The following AAGAB variants were observed in gnomAD, a reference collection of about 807,000 sequenced individuals.
AAGAB encodes the protein alpha- and gamma-adaptin-binding protein p34.
In AAGAB, 38 loss-of-function variants were observed where a neutral mutation model predicts 44.1. The observed-to-expected ratio is 0.86, with a 90% CI of 0.67 to 1.13. The LOEUF (loss-of-function observed/expected upper bound fraction) is 1.13, where lower values mean the gene tolerates loss of function less well. Among genes scored for constraint, AAGAB ranks in the 50% most tolerant of loss-of-function variants. AAGAB has a pLI of 0.00. For missense variants in AAGAB, 450 were observed against 373.8 expected (o/e 1.20, Z -1.68); for synonymous variants, 131 against 131.8 (o/e 0.99, Z 0.04).
chr15:67,243,499 C>T (rs984255770), intron 1 of AAGAB, among the ~76,000 whole-genome samples: 2 of 152,108 alleles, frequency 1.3e-5, no homozygotes. Flanking sequence ...AGGTCAACAC[C>T]TTTAGACATT....
chr15:67,224,782 T>C (rs1964165438), intron 5 of AAGAB, among the ~76,000 whole-genome samples: 1 of 152,092 alleles, frequency 6.6e-6, no homozygotes, highest in Non-Finnish European at 1.5e-5. Flanking sequence ...GGTTTCACCA[T>C]GTTGGCCAGA....
chr15:67,254,718 G>A, upstream of AAGAB: 2 of 1,422,190 alleles, frequency 1.4e-6, no homozygotes, highest in African/African-American at 1.4e-5. Context: ...AGACAGGCCG[G>A]AGAGGGCGTT....
chr15:67,215,142 T>C (rs1963913794), intron 5 of AAGAB, among the ~76,000 whole-genome samples: 1 of 152,198 alleles, frequency 6.6e-6, no homozygotes, highest in African/African-American at 2.4e-5. Flanking sequence ...ACTATTCAAG[T>C]GGCCCTTCAG....
Position 67,208,795 on chromosome 15 carries a change from A to G in AAGAB, c.619-137T>C, listed in dbSNP as rs1963743136. 19 of 641,958 alleles carry G rather than the reference A, an allele frequency of 3.0e-5. No individual in the cohort carries two copies. The South Asian group carries it at 3.5e-4, about 12-fold the overall frequency. The allele number at this position is 641,958 out of a possible 1,614,324, so 39.8% of individuals were successfully genotyped here. A position where few individuals can be genotyped will look rare whatever the true frequency, so the allele number is the denominator to read the frequency against. The stretch of plus-strand genomic sequence containing the variant: ...AACTGGAGGCAAAGAAAGAAGAGCA[A>G]GATCACATTAAAAAAATAAAAGGCT... On this transcript the variant is annotated intron_variant, in intron 6 of 9. Coordinates refer to ENST00000261880, the MANE Select transcript of AAGAB (RefSeq NM_024666.5).
At chr15:67,252,048 C>T (rs552359663) in intron 1 of AAGAB, among the ~76,000 whole-genome samples, 3 of 152,178 alleles carry the variant, frequency 2.0e-5, no homozygotes, top group Non-Finnish European at 4.4e-5. Context: ...GATCTTAACC[C>T]GAACTGGAAT....
At chr15:67,246,076 G>C (rs1470166494) in intron 1 of AAGAB, among the ~76,000 whole-genome samples, 1 of 152,082 alleles carries the variant, frequency 6.6e-6, no homozygotes, top group African/African-American at 2.4e-5. Context: ...ATATCATAAA[G>C]CCTCTTTAAT....
intron 4 of AAGAB, among the ~76,000 whole-genome samples, chr15:67,234,086 C>CA (rs34634730): frequency 0.018 from 2,085 of 116,220 alleles, 44 homozygotes; most frequent in African/African-American, 0.05. Flanking sequence ...ACTAAAAATA[C>CA]AAAAAAAAAA....
chr15:67,222,282 A>ACACCCC (rs796412643), intron 5 of AAGAB, among the ~76,000 whole-genome samples: 1 of 139,850 alleles, frequency 7.2e-6, no homozygotes, highest in Non-Finnish European at 1.6e-5. Context: ...ACACACACAC[A>ACACCCC]CCCTCCACCC....
At chr15:67,234,557 TA>T (rs1240701271) in intron 4 of AAGAB, among the ~76,000 whole-genome samples, 1 of 152,218 alleles carries the variant, frequency 6.6e-6, no homozygotes, top group African/African-American at 2.4e-5. Context: ...ATTTGTATTT[TA>T]AAAGTCTAGG....
Position 67,231,914 on chromosome 15 carries a change from AAT to A in AAGAB, c.452-19_452-18del. Reference sequence around the variant, plus strand: ...GGAAGTCATCTAATCAGGGAGGGGAAATATATATATTTATATGCAACACTCAC... The same window carrying A: ...GGAAGTCATCTAATCAGGGAGGGGAAATATATATTTATATGCAACACTCAC... On this transcript the variant is annotated intron_variant, in intron 4 of 9. Coordinates refer to ENST00000261880, the MANE Select transcript of AAGAB (RefSeq NM_024666.5). 1 of 1,573,556 alleles carries A rather than the reference AAT, an allele frequency of 6.4e-7. No individual in the cohort carries two copies.
At chr15:67,204,195 T>A (rs774644135) in intron 7 of AAGAB, 47 bp from the exon 8 acceptor site, 22 of 1,322,510 alleles carry the variant, frequency 1.7e-5, no homozygotes, top group African/African-American at 2.9e-5. Flanking sequence ...TTTGCATATG[T>A]GCTACACTCA....
intron 1 of AAGAB, among the ~76,000 whole-genome samples, chr15:67,244,775 G>A (rs1201919506): frequency 3.3e-5 from 5 of 151,930 alleles, no homozygotes; most frequent in African/African-American, 1.2e-4. Context: ...CTGCACTCCA[G>A]CCTGGGCAAG....
intron 5 of AAGAB, among the ~76,000 whole-genome samples, chr15:67,222,510 A>C (rs1254341122): frequency 6.6e-6 from 1 of 152,074 alleles, no homozygotes; most frequent in East Asian, 1.9e-4. Flanking sequence ...GAGAAAATTT[A>C]TGCAATCAGA....
chr15:67,249,544 A>C (rs944426438), intron 1 of AAGAB, among the ~76,000 whole-genome samples: 1 of 152,234 alleles, frequency 6.6e-6, no homozygotes, highest in African/African-American at 2.4e-5. Flanking sequence ...TAATACACAT[A>C]TTAAATAATG....
At chr15:67,224,284 C>G (rs756740870) in intron 5 of AAGAB, among the ~76,000 whole-genome samples, 3 of 152,200 alleles carry the variant, frequency 2.0e-5, no homozygotes, top group Non-Finnish European at 4.4e-5. Flanking sequence ...AAATTATGGA[C>G]TAGAGAGATC....
upstream of AAGAB, chr15:67,255,022 A>C (rs999039916): frequency 7.2e-7 from 1 of 1,396,264 alleles, no homozygotes; most frequent in Non-Finnish European, 1.0e-6. Context: ...GCGCCGATTC[A>C]CCGACGCTCA....
intron 1 of AAGAB, among the ~76,000 whole-genome samples, chr15:67,238,597 T>C (rs1964523278): frequency 6.6e-6 from 1 of 151,720 alleles, no homozygotes; most frequent in Admixed American, 6.6e-5. Context: ...TGCTGATAAA[T>C]ACACATATAA....
In AAGAB at chr15:67,254,634, C is replaced by G. The variant is rs1965033015; in HGVS notation, c.-3G>C. 3.1e-6 allele frequency: 5 copies of G among 1,592,250 alleles called. No individual in the cohort carries two copies. The highest frequency in any genetic ancestry group is 4.3e-6 in the Non-Finnish European group (5 of 1,172,686). On this transcript the variant is annotated 5_prime_UTR_variant, in exon 1 of 10. Coordinates refer to ENST00000261880, the MANE Select transcript of AAGAB (RefSeq NM_024666.5). ...GCACAGGGTACGCCAGCAGCCATAG[C>G]TGCGCTCGCGAGCCGGTTCCGTCAG...
At chr15:67,209,676 A>G (rs1963767433) in intron 5 of AAGAB, 132 bp from the exon 6 acceptor site, 1 of 715,996 alleles carries the variant, frequency 1.4e-6, no homozygotes, top group Non-Finnish European at 2.3e-6. Context: ...TTTTTGAGAC[A>G]GGGTCTCACT....
Sources: allele counts gnomAD v4.1 joint callset (sites outside exome capture counted in the v4.1 genomes callset), GRCh38; gene constraint gnomAD v4.1.1; transcripts MANE v1.5; gene names NCBI Gene and HGNC (gene_info 2026-07-23, HGNC 2026-07-21).